The following DCHS2 variants were observed in gnomAD, a reference collection of about 807,000 sequenced individuals.
The protein encoded by DCHS2 is dachsous cadherin-related 2.
In DCHS2, 142 loss-of-function variants were observed where a neutral mutation model predicts 182.4. That is an observed-to-expected ratio of 0.78 (90% confidence interval 0.68 to 0.89). The LOEUF (loss-of-function observed/expected upper bound fraction) is 0.89. Among genes scored for constraint, DCHS2 ranks in the 40% least tolerant of loss-of-function variants. The pLI, the probability that DCHS2 is intolerant of heterozygous loss-of-function variation, is 0.00. For synonymous variants in DCHS2, 1,740 were observed against 1,663.3 expected (o/e 1.05, Z -1.12); for missense variants, 4,319 against 4,198.6 (o/e 1.03, Z -0.79).
intron 1 of DCHS2, among the ~76,000 whole-genome samples, chr4:154,428,188 G>T (rs1234448642): frequency 1.3e-5 from 2 of 152,086 alleles, no homozygotes; most frequent in East Asian, 3.9e-4. Context: ...TAGATATAAA[G>T]CAAGTCATAC....
Position 154,320,810 on chromosome 4 carries a change from T to C in DCHS2, c.4589A>G (p.Tyr1530Cys). ...GTCATCATCTTTGGCATTGAAGACATACACCAGGGTTCCTATGGGAACATT... is the reference window on the plus strand; with the variant it reads ...GTCATCATCTTTGGCATTGAAGACACACACCAGGGTTCCTATGGGAACATT... Reference protein sequence around the residue: ...EENVPIGTLVYVFNAKDDDGS... With the variant: ...EENVPIGTLVCVFNAKDDDGS... Residue 1530 changes from tyrosine to cysteine, a missense_variant, in exon 9 of 20, where the codon TAT (tyrosine) becomes TGT (cysteine). Physicochemically the swap from Tyr to Cys is radical, Grantham distance 194. Transcript: ENST00000357232. The C allele has an allele frequency of 1.9e-6, 3 of 1,614,074 alleles. No individual in the cohort carries two copies. The highest frequency in any genetic ancestry group is 2.5e-6 in the Non-Finnish European group (3 of 1,180,000).
chr4:154,269,963 T>C lies in DCHS2; in HGVS notation c.6514A>G (p.Ser2172Gly), dbSNP rs1171082491. Residue 2172 changes from serine to glycine, a missense_variant, in exon 14 of 20, where the codon AGC becomes GGC. Coordinates refer to ENST00000357232, the MANE Select transcript of DCHS2 (RefSeq NM_001358235.2). ...CCACTAAAAATTGAATATTTCATGC[T>C]GTCCTGAATTGAGTCAGGAGCAAAA... ...KAFAPDSIQDSMKYSIFSGNE... is the reference protein window; with the variant it reads ...KAFAPDSIQDGMKYSIFSGNE... 2.5e-6 allele frequency: 4 copies of C among 1,612,434 alleles called. No homozygotes were observed. Among genetic ancestry groups the C allele is most frequent in the Non-Finnish European group, 1.7e-6 (2 of 1,179,164 alleles).
chr4:154,312,681 C>T (rs781520444), intron 10 of DCHS2, among the ~76,000 whole-genome samples: 2 of 152,112 alleles, frequency 1.3e-5, no homozygotes, highest in Admixed American at 6.5e-5. Flanking sequence ...CATAAAGAAA[C>T]ATTTAAAATA....
intron 16 of DCHS2, among the ~76,000 whole-genome samples, chr4:154,254,295 T>C (rs902438743): frequency 1.3e-5 from 2 of 152,182 alleles, no homozygotes; most frequent in African/African-American, 4.8e-5. Flanking sequence ...TTTCTTATAT[T>C]TTCTTCCAGA....
At position 154,304,820 on chromosome 4, in the gene DCHS2, A is replaced by G. The variant is rs1735379099; in HGVS notation, c.5454T>C (p.Thr1818=). ...SLSSTTTILC[T]VEDENDHAPE... is the part of the protein sequence containing the mutation. Reference sequence around the variant, plus strand: ...GTGCGTGATCGTTTTCATCTTCAACAGTGCAGAGGATTGTTGTGGTGCTGG... The same window carrying G: ...GTGCGTGATCGTTTTCATCTTCAACGGTGCAGAGGATTGTTGTGGTGCTGG... Residue 1818 remains threonine, a synonymous_variant, in exon 12 of 20, where the codon ACT becomes ACC. Coordinates refer to ENST00000357232, the MANE Select transcript of DCHS2 (RefSeq NM_001358235.2). 5 of 1,613,842 alleles carry G rather than the reference A, an allele frequency of 3.1e-6. No homozygotes were observed. The highest frequency in any genetic ancestry group is 4.2e-6 in the Non-Finnish European group (5 of 1,179,890).
rs769314945 is a variant in DCHS2 at position 154,395,065 on chromosome 4, T to C, written c.2053-17621A>G. 3.9e-5 allele frequency among the ~76,000 whole-genome samples: 6 copies of C among 152,174 alleles called. No individual in the cohort carries two copies. The South Asian group carries it at 1.2e-3, about 32-fold the overall frequency. On this transcript the variant is annotated intron_variant, in intron 1 of 19. Coordinates refer to ENST00000357232, the MANE Select transcript of DCHS2 (RefSeq NM_001358235.2). ...GACAGGCAACTACTAGATCTGCCAC[T>C]ATCTTCTGGAAGCTATTTTGTGTTT...
At chr4:154,430,762 T>G (rs1176749931) in intron 1 of DCHS2, among the ~76,000 whole-genome samples, 1 of 152,220 alleles carries the variant, frequency 6.6e-6, no homozygotes, top group East Asian at 1.9e-4. Flanking sequence ...ACATTGCTTT[T>G]GGGGATTCAA....
chr4:154,489,367 G>T lies in DCHS2; in HGVS notation c.1989C>A (p.Phe663Leu). 1 of 1,550,206 alleles carries T rather than the reference G, an allele frequency of 6.5e-7. No individual in the cohort carries two copies. Among genetic ancestry groups the T allele is most frequent in the South Asian group, 1.2e-5 (1 of 83,934 alleles). Reference sequence around the variant, plus strand: ...TGGTGGCATTGTACACCTGCCTCCAGAAGATGGGCTCATTGTCATTCACAT... The same window carrying T: ...TGGTGGCATTGTACACCTGCCTCCATAAGATGGGCTCATTGTCATTCACAT... ...VDDVNDNEPI[F>L]WRQVYNATIA... is the part of the protein sequence containing the mutation. The change falls in exon 1 of 20, where the codon TTC becomes TTA. Residue 663 changes from phenylalanine (F) to leucine (L), a missense_variant. By Grantham distance (22) the Phe-to-Leu change is conservative. Coordinates refer to ENST00000357232, the MANE Select transcript of DCHS2 (RefSeq NM_001358235.2).
intron 10 of DCHS2, 130 bp from the exon 11 acceptor site, chr4:154,305,361 A>G (rs2111301189): frequency 1.7e-6 from 2 of 1,189,286 alleles, no homozygotes; most frequent in Non-Finnish European, 2.2e-6. Flanking sequence ...CAGCCTTTAA[A>G]TTAAGGTAAA....
intron 13 of DCHS2, among the ~76,000 whole-genome samples, chr4:154,287,776 C>T (rs951329998): frequency 1.3e-5 from 2 of 152,072 alleles, no homozygotes; most frequent in East Asian, 1.9e-4. Context: ...GCCACAGCAC[C>T]CTGCCTAAAG....
chr4:154,347,954 T>C (rs1729436337), intron 3 of DCHS2, among the ~76,000 whole-genome samples: 1 of 151,966 alleles, frequency 6.6e-6, no homozygotes, highest in Non-Finnish European at 1.5e-5. Flanking sequence ...ATATTTTGCA[T>C]TTGTCCCACT....
At chr4:154,297,722 A>C (rs1042205549) in intron 13 of DCHS2, 129 bp downstream of exon 13, 8 of 1,412,756 alleles carry the variant, frequency 5.7e-6, no homozygotes, top group African/African-American at 1.4e-5. Flanking sequence ...TTATTCCAAT[A>C]TCAAGAACAG....
intron 1 of DCHS2, among the ~76,000 whole-genome samples, chr4:154,423,306 G>A (rs1057504893): frequency 6.6e-6 from 1 of 152,190 alleles, no homozygotes; most frequent in African/African-American, 2.4e-5. Context: ...CATGTGATAT[G>A]TGGTCCTTTG....
intron 1 of DCHS2, among the ~76,000 whole-genome samples, chr4:154,379,830 C>T (rs976901339): frequency 6.6e-6 from 1 of 152,064 alleles, no homozygotes; most frequent in Non-Finnish European, 1.5e-5. Context: ...CATCCTGTTC[C>T]ATCTTGAGCA....
chr4:154,239,075 G>A (rs1027408922), intron 19 of DCHS2, 95 bp downstream of exon 19: 104 of 1,477,968 alleles, frequency 7.0e-5, no homozygotes, highest in Non-Finnish European at 8.2e-5. Context: ...GTGGGGAGGT[G>A]GGGAACTTTT....
intron 8 of DCHS2, among the ~76,000 whole-genome samples, chr4:154,321,895 A>G (rs1192052828): frequency 6.6e-6 from 1 of 152,136 alleles, no homozygotes; most frequent in Non-Finnish European, 1.5e-5. Context: ...ATTAAAGTAA[A>G]GCCTTAAAAT....
chr4:154,390,720 A>AT (rs34530025), intron 1 of DCHS2, among the ~76,000 whole-genome samples: 91,196 of 151,912 alleles, frequency 0.6, 27,846 homozygotes, highest in Middle Eastern at 0.69. Flanking sequence ...TCATATGATC[A>AT]TTGTCATGTA....
At chr4:154,275,797 C>T (rs913711105) in intron 13 of DCHS2, among the ~76,000 whole-genome samples, 54 of 152,116 alleles carry the variant, frequency 3.5e-4, no homozygotes, top group African/African-American at 1.2e-3. Flanking sequence ...CAAAAGAAAA[C>T]ATAGTGACTG....
In DCHS2 at chr4:154,344,182, C is replaced by G. The variant is rs569596733; in HGVS notation, c.2477-9078G>C. Reference sequence around the variant, plus strand: ...ATTACAATAATAATATCAAAAATTACTGATCACAGATCATCATAACAGGTA... The same window carrying G: ...ATTACAATAATAATATCAAAAATTAGTGATCACAGATCATCATAACAGGTA... On this transcript the variant is annotated intron_variant, in intron 3 of 19. Transcript: ENST00000357232. Among the ~76,000 whole-genome samples the G allele has an allele frequency of 4.6e-5, 7 of 152,268 alleles. No homozygotes were observed. In the South Asian group the frequency reaches 1.5e-3, roughly 32 times the overall value.
Sources: gnomAD v4.1 joint callset for allele counts (sites outside exome capture counted in the v4.1 genomes callset) on GRCh38, gnomAD v4.1.1 for gene constraint, MANE v1.5 for transcripts, NCBI Gene and HGNC (gene_info 2026-07-23, HGNC 2026-07-21) for gene names.